MAGI2: variants seen among roughly 807,000 people sequenced by gnomAD.
MAGI2 encodes membrane-associated guanylate kinase, WW and PDZ domain-containing protein 2.
Under a neutral mutation model 133.3 loss-of-function variants are expected in MAGI2, and 35 were observed. The observed-to-expected ratio is 0.26, with a 90% CI of 0.20 to 0.35. MAGI2 has a LOEUF of 0.35. MAGI2 is among the 10% of genes least tolerant of loss of function. The probability of loss-of-function intolerance (pLI) is 1.00; values close to 1 mark genes in which losing one functional copy is unlikely to be tolerated. For missense variants in MAGI2, 1,636 were observed against 1,863.4 expected (o/e 0.88, Z 2.25); for synonymous variants, 729 against 710.6 (o/e 1.03, Z -0.41).
chr7:78,995,921 T>A (rs1806244280), intron 2 of MAGI2, among the ~76,000 whole-genome samples: 1 of 152,170 alleles, frequency 6.6e-6, no homozygotes, highest in Non-Finnish European at 1.5e-5. Flanking sequence ...AGAGCCTCAA[T>A]TTCCCACATG....
At chr7:79,010,329 C>A (rs1335345111) in intron 1 of MAGI2, among the ~76,000 whole-genome samples, 1 of 151,796 alleles carries the variant, frequency 6.6e-6, no homozygotes, top group Admixed American at 6.6e-5. Context: ...GCATATTTAT[C>A]CTCAATTAGA....
rs71095386 is a variant in MAGI2 at position 79,191,402 on chromosome 7, C to CTTTTTTTTTTTTTTT, written c.302-184211_302-184197dup. Among the ~76,000 whole-genome samples the CTTTTTTTTTTTTTTT allele has an allele frequency of 5.5e-3, 122 of 22,340 alleles. 6 individuals carry two copies. The highest frequency in any genetic ancestry group is 8.4e-3 in the Non-Finnish European group (89 of 10,646). The allele number at this position is 22,340 out of a possible 152,430, so 14.7% of individuals were successfully genotyped here. On this transcript the variant is annotated intron_variant, in intron 1 of 21. Transcript: ENST00000354212. The stretch of plus-strand genomic sequence containing the variant: ...TCTTTTTTTCTTTTTCTTTTTCTTT[C>CTTTTTTTTTTTTTTT]TTTTTTTTTTTTTTTTTTTTTTTTT...
chr7:78,137,790 T>C (rs1822312235), intron 16 of MAGI2, among the ~76,000 whole-genome samples: 1 of 152,174 alleles, frequency 6.6e-6, no homozygotes, highest in Non-Finnish European at 1.5e-5. Context: ...GAAATCAGCA[T>C]GATTTAAATC....
chr7:78,929,900 C>T (rs1243633378), intron 2 of MAGI2, among the ~76,000 whole-genome samples: 1 of 152,016 alleles, frequency 6.6e-6, no homozygotes, highest in Non-Finnish European at 1.5e-5. Context: ...TGCCTACAAA[C>T]CCAGCTAAAA....
At chr7:79,364,908 T>TAA (rs750922650) in intron 1 of MAGI2, among the ~76,000 whole-genome samples, 1 of 124,144 alleles carries the variant, frequency 8.1e-6, no homozygotes, top group East Asian at 2.3e-4. Context: ...TCATCAAAAT[T>TAA]AAAAAAAAAA....
At chr7:78,582,331 T>C (rs536059272) in intron 3 of MAGI2, among the ~76,000 whole-genome samples, 30 of 152,280 alleles carry the variant, frequency 2.0e-4, no homozygotes, top group African/African-American at 7.2e-4. Context: ...TGAAAAACAT[T>C]AGATCTGGAT....
intron 3 of MAGI2, among the ~76,000 whole-genome samples, chr7:78,610,886 T>C (rs1189609340): frequency 6.6e-6 from 1 of 152,200 alleles, no homozygotes; most frequent in African/African-American, 2.4e-5. Context: ...TAGACTTTAT[T>C]TGACTGAATA....
At chr7:78,712,262 A>C (rs1233747921) in intron 2 of MAGI2, among the ~76,000 whole-genome samples, 2 of 152,170 alleles carry the variant, frequency 1.3e-5, no homozygotes, top group Non-Finnish European at 2.9e-5. Context: ...AAAGATGACT[A>C]GATAAAGTTT....
At chr7:79,180,443 G>T (rs763954390) in intron 1 of MAGI2, among the ~76,000 whole-genome samples, 2 of 151,990 alleles carry the variant, frequency 1.3e-5, no homozygotes, top group Non-Finnish European at 2.9e-5. Flanking sequence ...CAGGCAAAAA[G>T]AGAGCCTGCG....
chr7:78,197,536 A>T (rs1828850361), intron 11 of MAGI2, among the ~76,000 whole-genome samples: 3 of 152,206 alleles, frequency 2.0e-5, no homozygotes, highest in African/African-American at 7.2e-5. Context: ...TCTAAAAAAC[A>T]ATCTTAAAAC....
At chr7:78,890,837 C>T (rs970795947) in intron 2 of MAGI2, among the ~76,000 whole-genome samples, 1 of 152,110 alleles carries the variant, frequency 6.6e-6, no homozygotes, top group African/African-American at 2.4e-5. Context: ...CAAGAGCAAA[C>T]ACATTCAAAA....
intron 1 of MAGI2, among the ~76,000 whole-genome samples, chr7:79,399,079 C>CTTTTCTTTTTTT (rs1585840184): frequency 3.7e-4 from 42 of 114,650 alleles, no homozygotes; most frequent in East Asian, 2.9e-3. Context: ...AGTATTATTT[C>CTTTTCTTTTTTT]TTTTTTTTTT....
intron 10 of MAGI2, among the ~76,000 whole-genome samples, chr7:78,234,598 TGAA>T (rs1790326869): frequency 2.7e-5 from 1 of 37,412 alleles, no homozygotes; most frequent in African/African-American, 1.0e-4. Context: ...TATAATATAA[TGAA>T]TATATTTCAT....
intron 6 of MAGI2, among the ~76,000 whole-genome samples, chr7:78,437,878 G>C (rs1787203697): frequency 6.6e-6 from 1 of 152,124 alleles, no homozygotes; most frequent in Non-Finnish European, 1.5e-5. Context: ...ATAAATATAA[G>C]CTTCATTTAC....
chr7:78,521,362 T>G, intron 4 of MAGI2, 68 bp downstream of exon 4: 1 of 1,102,066 alleles, frequency 9.1e-7, no homozygotes, highest in South Asian at 1.3e-5. Flanking sequence ...ACTGTGTATA[T>G]GTGTACATAT....
chr7:78,871,531 T>C (rs1307909208), intron 2 of MAGI2, among the ~76,000 whole-genome samples: 2 of 152,126 alleles, frequency 1.3e-5, no homozygotes, highest in African/African-American at 4.8e-5. Flanking sequence ...AAATGCTGAT[T>C]ATTGGTTTTA....
intron 2 of MAGI2, among the ~76,000 whole-genome samples, chr7:78,807,972 C>T (rs1045372666): frequency 2.0e-5 from 3 of 151,970 alleles, no homozygotes; most frequent in South Asian, 2.1e-4. Context: ...TGGCTGACTT[C>T]GATACTCCTT....
chr7:78,065,529 C>A (rs13438273), intron 21 of MAGI2: 1 of 641,536 alleles, frequency 1.6e-6, no homozygotes, highest in Non-Finnish European at 2.8e-6. Flanking sequence ...TATGCAAAAC[C>A]AAGGCTCATT....
intron 6 of MAGI2, among the ~76,000 whole-genome samples, chr7:78,456,574 T>C (rs1486993921): frequency 6.6e-6 from 1 of 152,174 alleles, no homozygotes; most frequent in Non-Finnish European, 1.5e-5. Context: ...TCCATAAACA[T>C]TTGTTGAACA....
Sources: allele counts gnomAD v4.1 joint callset (sites outside exome capture counted in the v4.1 genomes callset), GRCh38; gene constraint gnomAD v4.1.1; transcripts MANE v1.5; gene names NCBI Gene and HGNC (gene_info 2026-07-23, HGNC 2026-07-21).